The following SUCO variants were observed in gnomAD, a reference collection of about 807,000 sequenced individuals.
SUCO encodes SUN domain containing ossification factor, also known as SUN domain-containing ossification factor.
SUCO carries 57 observed loss-of-function variants against 148.1 expected under a neutral mutation model. The ratio of observed to expected loss-of-function variants is 0.38; its 90% CI spans 0.31 to 0.48. The LOEUF (loss-of-function observed/expected upper bound fraction) is 0.48, where lower values mean the gene tolerates loss of function less well. Ranked by LOEUF, SUCO falls within the 20% of genes least tolerant of loss-of-function variation. The probability of loss-of-function intolerance (pLI) is 0.96; values close to 1 mark genes in which losing one functional copy is unlikely to be tolerated. For missense variants in SUCO, 1,331 were observed against 1,468.2 expected (o/e 0.91, Z 1.53); for synonymous variants, 470 against 502.7 (o/e 0.93, Z 0.87).
chr1:172,541,775 G>T (rs767015107), intron 1 of SUCO: 6 of 726,882 alleles, frequency 8.3e-6, no homozygotes, highest in Non-Finnish European at 8.4e-6. Flanking sequence ...CAGGATTCTG[G>T]TGGACAAAAC....
intron 6 of SUCO, among the ~76,000 whole-genome samples, chr1:172,565,569 G>A (rs532960789): frequency 6.6e-6 from 1 of 152,234 alleles, no homozygotes; most frequent in East Asian, 1.9e-4. Flanking sequence ...CTTCACCAAT[G>A]CCAAAAACCC....
chr1:172,602,845 A>G, intron 22 of SUCO, 58 bp downstream of exon 22: 1 of 1,406,000 alleles, frequency 7.1e-7, no homozygotes, highest in Non-Finnish European at 1.0e-6. Flanking sequence ...CTTCTGGCAT[A>G]AATATAATGT....
At chr1:172,609,739 T>A in intron 23 of SUCO, 77 bp from the exon 24 acceptor site, 1 of 1,522,208 alleles carries the variant, frequency 6.6e-7, no homozygotes, top group Non-Finnish European at 8.8e-7. Context: ...ACTTCTCTAT[T>A]AGCTCAGCTC....
In SUCO at chr1:172,606,886, T is replaced by C. The variant is rs376327213; in HGVS notation, c.3266-1861T>C. ...CCTGTCTTGTAAACATTCCACCTTT[T>C]TGACTTTTTATGCTGTATTTTGGAT... On this transcript the variant is annotated intron_variant, in intron 22 of 23. Transcript: ENST00000263688. 7.2e-5 allele frequency among the ~76,000 whole-genome samples: 11 copies of C among 152,012 alleles called. No individual in the cohort carries two copies. The East Asian group carries it at 2.1e-3, about 29-fold the overall frequency.
chr1:172,542,250 C>T (rs1180075425), intron 1 of SUCO, among the ~76,000 whole-genome samples: 20 of 152,078 alleles, frequency 1.3e-4, no homozygotes, highest in Admixed American at 1.1e-3. Context: ...GGCATGGTAG[C>T]GCATGCCTGT....
chr1:172,609,436 C>G (rs761520698), intron 23 of SUCO: 15 of 908,042 alleles, frequency 1.7e-5, no homozygotes, highest in Non-Finnish European at 1.8e-5. Context: ...AACCAAACAT[C>G]TGAACCTTGC....
In SUCO at chr1:172,608,762, T is replaced by C; in HGVS notation, c.3281T>C (p.Leu1094Ser). 1 of 1,587,392 alleles carries C rather than the reference T, an allele frequency of 6.3e-7. No individual in the cohort carries two copies. The highest frequency in any genetic ancestry group is 8.6e-7 in the Non-Finnish European group (1 of 1,164,130). Residue 1094 changes from leucine to serine, a missense_variant, in exon 23 of 24, where the codon TTG becomes TCG. Physicochemically the swap from Leu to Ser is moderately radical, Grantham distance 145. This residue lies in a region of SUCO where 334 missense variants were observed against 352.3 expected (regional missense o/e 0.95). Transcript: ENST00000263688. Reference sequence around the variant, plus strand: ...TTACTTACAGTAGACCCAAATGATTTGTACATTGTAGAACCCCTCAAGTTT... The same window carrying C: ...TTACTTACAGTAGACCCAAATGATTCGTACATTGTAGAACCCCTCAAGTTT... ...LTGKEVDPND[L>S]YIVEPLKFSP...
chr1:172,603,436 G>A (rs1189192915), intron 22 of SUCO, among the ~76,000 whole-genome samples: 3 of 151,958 alleles, frequency 2.0e-5, no homozygotes, highest in Non-Finnish European at 2.9e-5. Flanking sequence ...ATCGATGGTT[G>A]TAGGATTTAG....
rs1653530372 is a variant in SUCO at position 172,554,051 on chromosome 1, T to A, written c.288+681T>A. Among the ~76,000 whole-genome samples the A allele has an allele frequency of 2.0e-5, 3 of 152,220 alleles. No individual in the cohort carries two copies. In the South Asian group the frequency reaches 6.2e-4, roughly 32 times the overall value. On this transcript the variant is annotated intron_variant, in intron 3 of 23. Coordinates refer to ENST00000263688, the MANE Select transcript of SUCO (RefSeq NM_014283.5). The stretch of plus-strand genomic sequence containing the variant: ...CATTTCAACTCAGAATGAGGGAGAA[T>A]TCTTTCTTTTTAAAAAAATACAGCC...
chr1:172,608,881 T>C, intron 23 of SUCO, 79 bp downstream of exon 23: 1 of 951,184 alleles, frequency 1.1e-6, no homozygotes, highest in Non-Finnish European at 1.7e-6. Flanking sequence ...AGGTTTAAGG[T>C]AATTACCTTT....
chr1:172,576,323 A>T (rs558178881), intron 11 of SUCO, among the ~76,000 whole-genome samples: 83 of 151,744 alleles, frequency 5.5e-4, no homozygotes, highest in African/African-American at 2.0e-3. Flanking sequence ...TCTAATTTCT[A>T]TCCTTTCTTC....
intron 6 of SUCO, among the ~76,000 whole-genome samples, chr1:172,560,241 G>A (rs1305076883): frequency 3.3e-5 from 5 of 152,216 alleles, no homozygotes; most frequent in Non-Finnish European, 7.3e-5. Context: ...CCCAGAAGAG[G>A]TAGGTAAAAG....
At chr1:172,600,521 T>C (rs1013995891) in intron 20 of SUCO, among the ~76,000 whole-genome samples, 2 of 152,178 alleles carry the variant, frequency 1.3e-5, no homozygotes, top group Non-Finnish European at 2.9e-5. Context: ...AAACTTTTTA[T>C]TGAGCATCTA....
chr1:172,607,414 G>T (rs1657929797), intron 22 of SUCO, among the ~76,000 whole-genome samples: 1 of 151,846 alleles, frequency 6.6e-6, no homozygotes, highest in Admixed American at 6.6e-5. Context: ...TAGTCCTTTG[G>T]AGTCTCAGTT....
At chr1:172,545,025 A>G (rs948494532) in intron 1 of SUCO, among the ~76,000 whole-genome samples, 1 of 152,178 alleles carries the variant, frequency 6.6e-6, no homozygotes, top group South Asian at 2.1e-4. Context: ...TTAGAGTAGA[A>G]TAAACAAGAT....
chr1:172,553,284 G>T lies in SUCO; in HGVS notation c.202G>T (p.Ala68Ser). The T allele has an allele frequency of 1.3e-6, 2 of 1,597,466 alleles. No homozygotes were observed. Among genetic ancestry groups the T allele is most frequent in the Non-Finnish European group, 1.7e-6 (2 of 1,169,456 alleles). Residue 68 changes from alanine to serine, a missense_variant, in exon 3 of 24, where the codon GCC becomes TCC. By Grantham distance (99) the Ala-to-Ser change is moderately conservative. Around this residue, in one of 3 missense-constraint regions of SUCO, gnomAD observed 992 missense variants for 1,093.5 expected, o/e 0.91. Coordinates refer to ENST00000263688, the MANE Select transcript of SUCO (RefSeq NM_014283.5). ...GGATGAAAGAGAGGGACCTATCAAT[G>T]CCGAATCATTGGGAAAATCAGGTTC... ...KKDEREGPIN[A>S]ESLGKSGSNL...
At chr1:172,588,387 GT>G (rs1656384977) in intron 17 of SUCO, 1 of 985,110 alleles carries the variant, frequency 1.0e-6, no homozygotes. Context: ...TTTCTGATGT[GT>G]AAGGGATAGT....
At chr1:172,605,516 T>C (rs1357420323) in intron 22 of SUCO, among the ~76,000 whole-genome samples, 3 of 151,870 alleles carry the variant, frequency 2.0e-5, no homozygotes, top group East Asian at 3.8e-4. Context: ...GCCATTGGTG[T>C]ATTTGTCTGT....
At chr1:172,578,630 C>A in intron 14 of SUCO, 1 of 752,124 alleles carries the variant, frequency 1.3e-6, no homozygotes, top group Non-Finnish European at 1.6e-6. Flanking sequence ...CCTTCTATAA[C>A]ATTAATGGTA....
Sources: allele counts gnomAD v4.1 joint callset (sites outside exome capture counted in the v4.1 genomes callset), GRCh38; gene constraint gnomAD v4.1.1; regional missense constraint gnomAD v4.1.1; transcripts MANE v1.5; gene names NCBI Gene and HGNC (gene_info 2026-07-23, HGNC 2026-07-21).